Variants in MALRD1 observed in about 807,000 individuals in gnomAD.
The protein encoded by MALRD1 is MAM and LDL receptor class A domain containing 1.
Under a neutral mutation model 242.1 loss-of-function variants are expected in MALRD1, and 247 were observed. The ratio of observed to expected loss-of-function variants is 1.02; its 90% CI spans 0.92 to 1.13. MALRD1 has a LOEUF of 1.13. Among genes scored for constraint, MALRD1 ranks in the 50% most tolerant of loss-of-function variants. The probability of loss-of-function intolerance (pLI) is 0.00; values close to 1 mark genes in which losing one functional copy is unlikely to be tolerated. For synonymous variants in MALRD1, 995 were observed against 866.6 expected (o/e 1.15, Z -2.60); for missense variants, 2,989 against 2,533.1 (o/e 1.18, Z -3.86).
chr10:19,673,928 T>C (rs1244035166), intron 36 of MALRD1, among the ~76,000 whole-genome samples: 1 of 152,078 alleles, frequency 6.6e-6, no homozygotes, highest in African/African-American at 2.4e-5. Context: ...CATGTATGTA[T>C]CTGGGTGCAT....
At chr10:19,338,108 T>A (rs969720970) in intron 24 of MALRD1, among the ~76,000 whole-genome samples, 1 of 151,664 alleles carries the variant, frequency 6.6e-6, no homozygotes, top group Admixed American at 6.6e-5. Context: ...TCTTTCCATA[T>A]ACCCATAGCC....
intron 2 of MALRD1, among the ~76,000 whole-genome samples, chr10:19,077,594 A>C (rs1055043297): frequency 6.6e-6 from 1 of 151,998 alleles, no homozygotes; most frequent in Non-Finnish European, 1.5e-5. Context: ...ACAAGATGAT[A>C]TGGATACTTT....
At chr10:19,600,747 C>G (rs1838302814) in intron 34 of MALRD1, among the ~76,000 whole-genome samples, 1 of 152,134 alleles carries the variant, frequency 6.6e-6, no homozygotes, top group South Asian at 2.1e-4. Context: ...CGCCAATGAA[C>G]CATTCATGAA....
intron 8 of MALRD1, among the ~76,000 whole-genome samples, chr10:19,131,099 G>T (rs978155217): frequency 6.6e-6 from 1 of 151,976 alleles, no homozygotes; most frequent in Non-Finnish European, 1.5e-5. Flanking sequence ...TATGTTGCTC[G>T]CTGATGCAAA....
rs750534486 is a variant in MALRD1 at position 19,479,478 on chromosome 10, CT to C, written c.5030-12038del. Among the ~76,000 whole-genome samples, 8 of 152,220 alleles carry C rather than the reference CT, an allele frequency of 5.3e-5. No individual in the cohort carries two copies. In the South Asian group the frequency reaches 1.7e-3, roughly 32 times the overall value. On this transcript the variant is annotated intron_variant, in intron 29 of 39. Coordinates refer to ENST00000454679, the MANE Select transcript of MALRD1 (RefSeq NM_001142308.3). Reference sequence around the variant, plus strand: ...TGCCAAAGCATGTATTCTGGCTTGGCTATTAAGTAACTACATGAAATTAGGT... The same window carrying C: ...TGCCAAAGCATGTATTCTGGCTTGGCATTAAGTAACTACATGAAATTAGGT...
chr10:19,498,093 C>G (rs1463763770), intron 30 of MALRD1, among the ~76,000 whole-genome samples: 4 of 152,278 alleles, frequency 2.6e-5, no homozygotes, highest in South Asian at 4.1e-4. Context: ...CTTTGCGTCG[C>G]TAATAGGCTA....
At chr10:19,566,904 G>A (rs1015810706) in intron 32 of MALRD1, among the ~76,000 whole-genome samples, 4 of 151,910 alleles carry the variant, frequency 2.6e-5, no homozygotes, top group Non-Finnish European at 5.9e-5. Context: ...ATAAGCAAAA[G>A]TACTAGAATC....
intron 13 of MALRD1, among the ~76,000 whole-genome samples, chr10:19,166,378 A>G (rs1363510373): frequency 1.3e-5 from 2 of 152,184 alleles, no homozygotes; most frequent in East Asian, 3.9e-4. Flanking sequence ...TAAAAAGTTG[A>G]TCTCATGGAG....
intron 36 of MALRD1, among the ~76,000 whole-genome samples, chr10:19,659,801 G>A (rs1318055608): frequency 3.3e-5 from 5 of 151,978 alleles, no homozygotes; most frequent in South Asian, 4.1e-4. Context: ...TTGAAGCCCC[G>A]TCTCAAATCC....
At chr10:19,158,357 C>T (rs1215436020) in intron 12 of MALRD1, among the ~76,000 whole-genome samples, 1 of 152,120 alleles carries the variant, frequency 6.6e-6, no homozygotes, top group Admixed American at 6.6e-5. Context: ...TTTGCAATTA[C>T]ATTAATATTC....
intron 5 of MALRD1, among the ~76,000 whole-genome samples, chr10:19,106,738 C>T (rs1194159342): frequency 1.3e-5 from 2 of 151,758 alleles, no homozygotes; most frequent in Non-Finnish European, 3.0e-5. Flanking sequence ...TGTTTGAGCT[C>T]TTTCTAATAT....
intron 21 of MALRD1, among the ~76,000 whole-genome samples, chr10:19,293,432 A>G (rs1186576606): frequency 6.6e-6 from 1 of 152,238 alleles, no homozygotes; most frequent in Non-Finnish European, 1.5e-5. Flanking sequence ...CAATGTCCTT[A>G]TTTTAGATTG....
chr10:19,181,158 T>C (rs181791989), intron 14 of MALRD1, among the ~76,000 whole-genome samples: 3 of 152,314 alleles, frequency 2.0e-5, no homozygotes, highest in Non-Finnish European at 2.9e-5. Context: ...TGGAGGTTTC[T>C]AAAGAAATTA....
At chr10:19,388,674 G>T (rs1265818699) in intron 27 of MALRD1, among the ~76,000 whole-genome samples, 1 of 152,070 alleles carries the variant, frequency 6.6e-6, no homozygotes, top group Non-Finnish European at 1.5e-5. Flanking sequence ...GTTGGGCATG[G>T]CTCATTTTTG....
intron 36 of MALRD1, among the ~76,000 whole-genome samples, chr10:19,664,664 T>C (rs913843498): frequency 2.6e-5 from 4 of 151,912 alleles, no homozygotes; most frequent in African/African-American, 9.7e-5. Flanking sequence ...TTTTTAAATT[T>C]GTATTGTTTC....
chr10:19,614,089 T>C (rs866731280), intron 35 of MALRD1, among the ~76,000 whole-genome samples: 1 of 152,046 alleles, frequency 6.6e-6, no homozygotes, highest in Non-Finnish European at 1.5e-5. Context: ...TGTATATCTT[T>C]TAAAGTCAAC....
At chr10:19,220,965 A>T (rs2131664219) in intron 18 of MALRD1, among the ~76,000 whole-genome samples, 1 of 152,330 alleles carries the variant, frequency 6.6e-6, no homozygotes, top group South Asian at 2.1e-4. Context: ...TGGACTTTCA[A>T]ATAAAATATT....
chr10:19,276,053 C>T (rs1365033023), intron 19 of MALRD1, among the ~76,000 whole-genome samples: 1 of 152,136 alleles, frequency 6.6e-6, no homozygotes, highest in African/African-American at 2.4e-5. Context: ...ACATTTTTCT[C>T]AGTGCAAATG....
At chr10:19,479,807 CTGGCCTTCAAGGTCTA>C (rs903105638) in intron 29 of MALRD1, among the ~76,000 whole-genome samples, 22 of 152,296 alleles carry the variant, frequency 1.4e-4, no homozygotes, top group African/African-American at 5.3e-4. Flanking sequence ...CCTTCAATCC[CTGGCCTTCAAGGTCTA>C]TCCCACTGAT....
Sources: allele counts gnomAD v4.1 joint callset (sites outside exome capture counted in the v4.1 genomes callset), GRCh38; gene constraint gnomAD v4.1.1; transcripts MANE v1.5; gene names NCBI Gene and HGNC (gene_info 2026-07-23, HGNC 2026-07-21).